The following SMARCA2 variants were observed in gnomAD, a reference collection of about 807,000 sequenced individuals.
SMARCA2 encodes SWI/SNF related BAF chromatin remodeling complex subunit ATPase 2, also known as SWI/SNF-related matrix-associated actin-dependent regulator of chromatin subfamily A member 2.
SMARCA2 carries 61 observed loss-of-function variants against 199.8 expected under a neutral mutation model. The ratio of observed to expected loss-of-function variants is 0.31; its 90% CI spans 0.25 to 0.38. The LOEUF is 0.38. Among genes scored for constraint, SMARCA2 ranks in the 10% least tolerant of loss-of-function variants. The pLI, the probability that SMARCA2 is intolerant of heterozygous loss-of-function variation, is 1.00. For synonymous variants in SMARCA2, 935 were observed against 732.0 expected, an observed-to-expected ratio of 1.28 and a Z score of -4.48; for missense variants, 1,344 against 2,012.2, an observed-to-expected ratio of 0.67 and a Z score of 6.35.
chr9:2,112,883 C>G (rs1823064507), intron 24 of SMARCA2, among the ~76,000 whole-genome samples: 1 of 152,182 alleles, frequency 6.6e-6, no homozygotes, highest in Non-Finnish European at 1.5e-5. Context: ...TACCTCACCT[C>G]AAGTAATCGT....
chr9:2,026,199 C>T (rs984624432), intron 1 of SMARCA2, among the ~76,000 whole-genome samples: 1 of 152,174 alleles, frequency 6.6e-6, no homozygotes, highest in African/African-American at 2.4e-5. Context: ...GTCCAGATCT[C>T]TGCCATTCAT....
intron 15 of SMARCA2, among the ~76,000 whole-genome samples, chr9:2,082,667 G>A (rs1821618227): frequency 6.6e-6 from 1 of 152,194 alleles, no homozygotes. Context: ...GTGTTAGGTT[G>A]CAGTTTTGTT....
At chr9:2,024,778 C>A (rs559162048) in intron 1 of SMARCA2, among the ~76,000 whole-genome samples, 1 of 152,294 alleles carries the variant, frequency 6.6e-6, no homozygotes, top group Admixed American at 6.5e-5. Context: ...AAGATTCTGC[C>A]TGCGGTTTCT....
At position 2,047,759 on chromosome 9, in the gene SMARCA2, G is replaced by C. The variant is rs12336964; in HGVS notation, c.1046+275G>C. On this transcript the variant is annotated intron_variant, in intron 5 of 33. Transcript: ENST00000349721. ...ACACTGTCCGTGTTTGTGCTTGTGC[G>C]GTTCGGTGATGACGGAGGGGCTGGG... The C allele has an allele frequency of 0.013, 3,091 of 232,516 alleles. 105 individuals carry two copies. Among genetic ancestry groups the C allele is most frequent in the African/African-American group, 0.065 (2,891 of 44,204 alleles). 14.4% of individuals were successfully genotyped at this position (232,516 alleles called of 1,614,324 possible). A position where few individuals can be genotyped will look rare whatever the true frequency, so the allele number is the denominator to read the frequency against.
chr9:2,089,475 T>A (rs1234131615), intron 19 of SMARCA2, among the ~76,000 whole-genome samples: 1 of 152,202 alleles, frequency 6.6e-6, no homozygotes, highest in Non-Finnish European at 1.5e-5. Context: ...ACTCTATTTT[T>A]GGACAGATTG....
At position 2,081,812 on chromosome 9, in the gene SMARCA2, G is replaced by A; in HGVS notation, c.2185-20G>A. Reference sequence around the variant, plus strand: ...CCTGTGCAGATCTTGGATAATTGAAGCAATTACTCTTCATTTCAGCTCCAG... The same window carrying A: ...CCTGTGCAGATCTTGGATAATTGAAACAATTACTCTTCATTTCAGCTCCAG... On this transcript the variant is annotated intron_variant, in intron 14 of 33. Coordinates refer to ENST00000349721, the MANE Select transcript of SMARCA2 (RefSeq NM_003070.5). 6.2e-7 allele frequency: 1 copy of A among 1,611,412 alleles called. No homozygotes were observed. The highest frequency in any genetic ancestry group is 8.5e-7 in the Non-Finnish European group (1 of 1,178,384).
intron 5 of SMARCA2, 165 bp downstream of exon 5, chr9:2,047,649 G>T (rs943929265): frequency 3.6e-6 from 3 of 843,606 alleles, no homozygotes; most frequent in Non-Finnish European, 4.7e-6. Flanking sequence ...GCTGAGGGGA[G>T]GCACCGGGGT....
intron 4 of SMARCA2, chr9:2,042,047 A>T (rs1177163255): frequency 6.6e-6 from 1 of 152,220 alleles, no homozygotes; most frequent in African/African-American, 2.4e-5. Context: ...AAGGCTCATG[A>T]CAAGGAAAAA....
At chr9:2,138,020 C>T (rs1341071559) in intron 27 of SMARCA2, among the ~76,000 whole-genome samples, 1 of 152,114 alleles carries the variant, frequency 6.6e-6, no homozygotes, top group African/African-American at 2.4e-5. Flanking sequence ...GAATTTGAGG[C>T]CTCCATTCTA....
chr9:2,152,312 G>A (rs1448982144), intron 27 of SMARCA2, among the ~76,000 whole-genome samples: 2 of 152,142 alleles, frequency 1.3e-5, no homozygotes, highest in Admixed American at 1.3e-4. Context: ...AGCACTTTGG[G>A]TGGCCGGGGC....
At chr9:2,120,571 A>G (rs1229867868) in intron 26 of SMARCA2, among the ~76,000 whole-genome samples, 6 of 152,192 alleles carry the variant, frequency 3.9e-5, no homozygotes, top group Admixed American at 3.3e-4. Flanking sequence ...AGGGTTTGCA[A>G]TCTCCACCTT....
At chr9:2,026,912 G>A (rs1818856197) in intron 1 of SMARCA2, among the ~76,000 whole-genome samples, 1 of 152,168 alleles carries the variant, frequency 6.6e-6, no homozygotes, top group Non-Finnish European at 1.5e-5. Context: ...GCTCTCTAGT[G>A]AATTCAAGGC....
At chr9:2,163,750 C>G (rs983424033) in intron 28 of SMARCA2, among the ~76,000 whole-genome samples, 1 of 152,134 alleles carries the variant, frequency 6.6e-6, no homozygotes, top group Non-Finnish European at 1.5e-5. Context: ...TGTTATAACA[C>G]TGAGAAGGGC....
At position 2,056,571 on chromosome 9, in the gene SMARCA2, C is replaced by T; in HGVS notation, c.1174-101C>T. The stretch of plus-strand genomic sequence containing the variant: ...GTGATTGAGAAGCTTGTGGAGATTC[C>T]CCGCCCCACTCTATTCCATTAAATG... On this transcript the variant is annotated intron_variant, in intron 6 of 33. Coordinates refer to ENST00000349721, the MANE Select transcript of SMARCA2 (RefSeq NM_003070.5). The surrounding 1 kb of genome is among the most constrained non-coding windows in gnomAD (Gnocchi z 4.0). 9.7e-7 allele frequency: 1 copy of T among 1,034,556 alleles called. No homozygotes were observed. Among genetic ancestry groups the T allele is most frequent in the South Asian group, 1.7e-5 (1 of 57,262 alleles). 64.1% of individuals were successfully genotyped at this position (1,034,556 alleles called of 1,614,324 possible).
At chr9:2,078,807 T>C (rs1282182311) in intron 14 of SMARCA2, among the ~76,000 whole-genome samples, 2 of 152,004 alleles carry the variant, frequency 1.3e-5, no homozygotes, top group Non-Finnish European at 2.9e-5. Flanking sequence ...TAGCTGGGTG[T>C]GGTGGCGGGC....
At chr9:2,093,397 G>A (rs1370448239) in intron 19 of SMARCA2, among the ~76,000 whole-genome samples, 1 of 152,196 alleles carries the variant, frequency 6.6e-6, no homozygotes, top group African/African-American at 2.4e-5. Context: ...TGGTAGGTAC[G>A]TATGTGTGTC....
In SMARCA2 at chr9:2,119,544, AC is replaced by A. The variant is rs1203499824; in HGVS notation, c.3762+10del. 6.3e-6 allele frequency: 10 copies of A among 1,584,776 alleles called. No homozygotes were observed. The highest frequency in any genetic ancestry group is 5.0e-5 in the Admixed American group (3 of 59,998). ...AATTTGACCTTTTTATGGTAATGTTACAGAAAATCATGAACACAAATGCTTT... is the reference window on the plus strand; with the variant it reads ...AATTTGACCTTTTTATGGTAATGTTAAGAAAATCATGAACACAAATGCTTT... On this transcript the variant is annotated intron_variant, in intron 26 of 33. Coordinates refer to ENST00000349721, the MANE Select transcript of SMARCA2 (RefSeq NM_003070.5). The surrounding 1 kb of genome is among the most constrained non-coding windows in gnomAD (Gnocchi z 4.6).
chr9:2,111,688 C>T, intron 24 of SMARCA2, among the ~76,000 whole-genome samples: 1 of 152,062 alleles, frequency 6.6e-6, no homozygotes, highest in East Asian at 1.9e-4. Flanking sequence ...TTCAGGGGTA[C>T]ATTAAAATTC....
At chr9:2,026,583 C>T (rs977753739) in intron 1 of SMARCA2, among the ~76,000 whole-genome samples, 3 of 152,132 alleles carry the variant, frequency 2.0e-5, no homozygotes, top group African/African-American at 7.2e-5. Flanking sequence ...TTATATTAAA[C>T]GTAGGAATAT....
Sources: allele counts gnomAD v4.1 joint callset (sites outside exome capture counted in the v4.1 genomes callset), GRCh38; gene constraint gnomAD v4.1.1; non-coding constraint Gnocchi (gnomAD v3.1); transcripts MANE v1.5; gene names NCBI Gene and HGNC (gene_info 2026-07-23, HGNC 2026-07-21).